ERCC4: variants seen among roughly 807,000 people sequenced by gnomAD.
The protein encoded by ERCC4 is ERCC excision repair 4, endonuclease catalytic subunit, also known as DNA repair endonuclease XPF.
ERCC4 carries 65 observed loss-of-function variants against 76.9 expected under a neutral mutation model. The ratio of observed to expected loss-of-function variants is 0.84; its 90% CI spans 0.69 to 1.04. The LOEUF (loss-of-function observed/expected upper bound fraction) is 1.04, where lower values mean the gene tolerates loss of function less well. Ranked by LOEUF, ERCC4 falls within the 50% of genes least tolerant of loss-of-function variation. The probability of loss-of-function intolerance (pLI) is 0.00; values close to 1 mark genes in which losing one functional copy is unlikely to be tolerated. For synonymous variants in ERCC4, 463 were observed against 410.1 expected (o/e 1.13, Z -1.56); for missense variants, 1,214 against 1,128.2 (o/e 1.08, Z -1.09).
chr16:13,926,188 C>T lies in ERCC4; in HGVS notation c.389-373C>T, dbSNP rs188067471. ...CTCTGACATGCCAGAAACACCCCAC[C>T]CCAGGGCCTGTGCCCTCACTGTCCC... On this transcript the variant is annotated intron_variant, in intron 2 of 10. Transcript: ENST00000311895. Among the ~76,000 whole-genome samples, 4 of 152,230 alleles carry T rather than the reference C, an allele frequency of 2.6e-5. No individual in the cohort carries two copies. The East Asian group carries it at 7.7e-4, about 29-fold the overall frequency.
chr16:13,943,987 G>A (rs541778471), intron 9 of ERCC4: 1 of 152,322 alleles, frequency 6.6e-6, no homozygotes, highest in Non-Finnish European at 1.5e-5. Context: ...TACCGTATAA[G>A]ATATGAGCCA....
In ERCC4 at chr16:13,935,473, A is replaced by G. The variant is rs201514032; in HGVS notation, c.1541A>G (p.Tyr514Cys). The G allele has an allele frequency of 1.9e-5, 31 of 1,614,198 alleles. No homozygotes were observed. The South Asian group carries it at 3.0e-4, about 15-fold the overall frequency. The change falls in exon 8 of 11, where the codon TAT (tyrosine) becomes TGT (cysteine). Residue 514 changes from tyrosine (Y) to cysteine (C), a missense_variant. Tyr to Cys is a radical substitution (Grantham distance 194). Coordinates refer to ENST00000311895, the MANE Select transcript of ERCC4 (RefSeq NM_005236.3). Reference protein sequence around the residue: ...LEEEGDVEEGYRREISSSPES... With the variant: ...LEEEGDVEEGCRREISSSPES... ...GAGGAAGGAGATGTCGAGGAAGGAT[A>G]TCGTCGAGAAATAAGCAGTAGCCCA...
At chr16:13,929,317 A>G (rs376404598) in intron 4 of ERCC4, among the ~76,000 whole-genome samples, 2 of 152,210 alleles carry the variant, frequency 1.3e-5, no homozygotes, top group East Asian at 3.8e-4. Flanking sequence ...AAAGGCATGT[A>G]GTTATATATC....
rs147455220 is a variant in ERCC4, at chr16:13,926,598, T to A, written c.426T>A (p.Ser142=). The part of the protein sequence containing the change: ...LVYRAHRIIE[S]CQEAFILRLF... ...ATAGAGCCCACAGAATAATCGAGTC[T>A]TGTCAAGAAGCATTCATCTTGCGCC... is the stretch of plus-strand genomic sequence containing the variant. The change falls in exon 3 of 11, where the codon TCT becomes TCA. Residue 142 remains serine (S), a synonymous_variant. Coordinates refer to ENST00000311895, the MANE Select transcript of ERCC4 (RefSeq NM_005236.3). 3 of 1,614,078 alleles carry A rather than the reference T, an allele frequency of 1.9e-6. No individual in the cohort carries two copies. The highest frequency in any genetic ancestry group is 1.3e-5 in the African/African-American group (1 of 74,942).
In ERCC4 at chr16:13,935,548, C is replaced by T; in HGVS notation, c.1616C>T (p.Ser539Leu). ...IKHEEFDVNLSSDAAFGILKE... is the reference protein window; with the variant it reads ...IKHEEFDVNLLSDAAFGILKE... ...CATGAAGAATTTGATGTAAATTTGT[C>T]ATCGGATGCTGCTTTCGGAATCCTG... Residue 539 changes from serine to leucine, a missense_variant, in exon 8 of 11, where the codon TCA (serine) becomes TTA (leucine). Physicochemically the swap from Ser to Leu is moderately radical, Grantham distance 145 (BLOSUM62 -2). Coordinates refer to ENST00000311895, the MANE Select transcript of ERCC4 (RefSeq NM_005236.3). The T allele has an allele frequency of 1.2e-6, 2 of 1,614,170 alleles. No individual in the cohort carries two copies. The highest frequency in any genetic ancestry group is 2.2e-5 in the South Asian group (2 of 91,084).
chr16:13,947,601 T>G lies in ERCC4; in HGVS notation c.2018-13T>G. ...GTTCTTCCCCAGTGACATTACTTAC[T>G]TTTTCTCTGTAGGTGGCCAGGAACA... On this transcript the variant is annotated splice_polypyrimidine_tract_variant and intron_variant, in intron 10 of 10. Transcript: ENST00000311895. 6.2e-7 allele frequency: 1 copy of G among 1,614,128 alleles called. No individual in the cohort carries two copies. Among genetic ancestry groups the G allele is most frequent in the Non-Finnish European group, 8.5e-7 (1 of 1,179,950 alleles).
rs370088726 is a variant in ERCC4, at chr16:13,927,160, TGAA to T, written c.584+409_584+411del. ...ACAGGGAAATAAAGCACAAAGGTTT[TGAA>T]GAAGTTTTATTAATTTCTAGGAATA... is the stretch of plus-strand genomic sequence containing the variant. On this transcript the variant is annotated intron_variant, in intron 3 of 10. Coordinates refer to ENST00000311895, the MANE Select transcript of ERCC4 (RefSeq NM_005236.3). 2.4e-4 allele frequency among the ~76,000 whole-genome samples: 37 copies of T among 152,348 alleles called. 1 individual carries two copies. In the East Asian group the frequency reaches 3.7e-3, roughly 15 times the overall value.
Position 13,951,136 on chromosome 16 carries a change from C to A in ERCC4, c.*2789C>A, listed in dbSNP as rs1323089941. On this transcript the variant is annotated 3_prime_UTR_variant, in exon 11 of 11. Coordinates refer to ENST00000311895, the MANE Select transcript of ERCC4 (RefSeq NM_005236.3). ...TTTGGAAAGTTTTCAATACATACAT[C>A]AAGTGTTTACTTAGATTTTTATAAA... 5.4e-6 allele frequency: 1 copy of A among 185,728 alleles called. No homozygotes were observed. Among genetic ancestry groups the A allele is most frequent in the African/African-American group, 2.3e-5 (1 of 42,648 alleles). 11.5% of individuals were successfully genotyped at this position (185,728 alleles called of 1,614,324 possible).
chr16:13,939,124 C>T (rs1385325936), intron 9 of ERCC4, among the ~76,000 whole-genome samples: 4 of 152,174 alleles, frequency 2.6e-5, no homozygotes, highest in Admixed American at 2.0e-4. Flanking sequence ...AAACCTAGTT[C>T]AGAAATCGTG....
intron 4 of ERCC4, 58 bp from the exon 5 acceptor site, chr16:13,930,652 A>G (rs1020963107): frequency 1.6e-6 from 2 of 1,226,284 alleles, no homozygotes; most frequent in African/African-American, 1.5e-5. Flanking sequence ...TATGATTTGT[A>G]TTAAGAATAA....
At position 13,948,485 on chromosome 16, in the gene ERCC4, C is replaced by T; in HGVS notation, c.*138C>T. 9.4e-7 allele frequency: 1 copy of T among 1,059,302 alleles called. No individual in the cohort carries two copies. The highest frequency in any genetic ancestry group is 1.4e-6 in the Non-Finnish European group (1 of 710,802). The allele number at this position is 1,059,302 out of a possible 1,614,324, so 65.6% of individuals were successfully genotyped here. A position where few individuals can be genotyped will look rare whatever the true frequency, so the allele number is the denominator to read the frequency against. On this transcript the variant is annotated 3_prime_UTR_variant, in exon 11 of 11. Coordinates refer to ENST00000311895, the MANE Select transcript of ERCC4 (RefSeq NM_005236.3). ...TAATGATTGTACGGTGGACCAGAAG[C>T]CAGGATTCCTCTCTGAACTCTGCAG...
Position 13,948,886 on chromosome 16 carries a change from G to T in ERCC4, c.*539G>T, listed in dbSNP as rs565318315. On this transcript the variant is annotated 3_prime_UTR_variant, in exon 11 of 11. Transcript: ENST00000311895. ...AACTGATGTTTGTGTAGGAAATCAT[G>T]TTCTGACCCTTTGTCTACAAAGGAG... The T allele has an allele frequency of 4.3e-6, 1 of 232,458 alleles. No homozygotes were observed. Among genetic ancestry groups the T allele is most frequent in the African/African-American group, 2.2e-5 (1 of 45,314 alleles). The allele number at this position is 232,458 out of a possible 1,614,324, so 14.4% of individuals were successfully genotyped here. A position where few individuals can be genotyped will look rare whatever the true frequency, so the allele number is the denominator to read the frequency against.
rs140299888 is a variant in ERCC4, at chr16:13,928,219, G to A, written c.776G>A (p.Gly259Glu). Residue 259 changes from glycine (G) to glutamate (E), a missense_variant, in exon 4 of 11, where the codon GGA becomes GAA. Transcript: ENST00000311895. ...VEDLSLENAI[G>E]KPFDKTIRHY... ...GATTTATCTTTAGAAAATGCTATTGGAAAACCTTTTGACAAGGTACTCTTT... is the reference window on the plus strand; with the variant it reads ...GATTTATCTTTAGAAAATGCTATTGAAAAACCTTTTGACAAGGTACTCTTT... 8.6e-5 allele frequency: 138 copies of A among 1,611,492 alleles called. No individual in the cohort carries two copies. Among genetic ancestry groups the A allele is most frequent in the Non-Finnish European group, 9.3e-5 (109 of 1,178,168 alleles).
At position 13,928,225 on chromosome 16, in the gene ERCC4, CT is replaced by C. The variant is rs751290625; in HGVS notation, c.786del (p.Phe262LeufsTer23). On this transcript the variant is annotated frameshift_variant, in exon 4 of 11. Transcript: ENST00000311895. LOFTEE classifies it high-confidence loss of function. ...DLSLENAIGK[P>X]FDKTIRHYLD... The stretch of plus-strand genomic sequence containing the variant: ...TCTTTAGAAAATGCTATTGGAAAAC[CT>C]TTTGACAAGGTACTCTTTTTCCTTT... 5.0e-6 allele frequency: 8 copies of C among 1,608,716 alleles called. No homozygotes were observed. The highest frequency in any genetic ancestry group is 6.8e-6 in the Non-Finnish European group (8 of 1,175,566).
chr16:13,948,237 C>A lies in ERCC4; in HGVS notation c.2641C>A (p.Gln881Lys), dbSNP rs754131812. ...KNIAELAALS[Q>K]DELTSILGNA... ...CATCGCAGAATTAGCAGCCCTGTCA[C>A]AAGACGAGCTCACGAGTATTCTGGG... The change falls in exon 11 of 11, where the codon CAA (glutamine) becomes AAA (lysine). Residue 881 changes from glutamine (Q) to lysine (K), a missense_variant. Gln to Lys is a moderately conservative substitution (Grantham distance 53). Coordinates refer to ENST00000311895, the MANE Select transcript of ERCC4 (RefSeq NM_005236.3). 1 of 1,614,180 alleles carries A rather than the reference C, an allele frequency of 6.2e-7. No homozygotes were observed.
chr16:13,925,479 A>T (rs2141943491), intron 2 of ERCC4, among the ~76,000 whole-genome samples: 1 of 152,236 alleles, frequency 6.6e-6, no homozygotes, highest in Non-Finnish European at 1.5e-5. Flanking sequence ...TAACATTATT[A>T]ATTTTTACTA....
intron 3 of ERCC4, chr16:13,927,687 T>G (rs2032097929): frequency 3.3e-6 from 1 of 305,800 alleles, no homozygotes; most frequent in Non-Finnish European, 6.2e-6. Context: ...GCAGGCCATA[T>G]AGACTGTCAC....
chr16:13,950,876 T>C lies in ERCC4; in HGVS notation c.*2529T>C, dbSNP rs2032617616. The C allele has an allele frequency of 5.1e-6, 1 of 196,650 alleles. No individual in the cohort carries two copies. The highest frequency in any genetic ancestry group is 1.9e-4 in the South Asian group (1 of 5,204). The allele number at this position is 196,650 out of a possible 1,614,324, so 12.2% of individuals were successfully genotyped here. ...ATTTTCAACCGTCCTTGTTATCTAG[T>C]ACAACATAAATAACAGTCTTAAAAA... On this transcript the variant is annotated 3_prime_UTR_variant, in exon 11 of 11. Coordinates refer to ENST00000311895, the MANE Select transcript of ERCC4 (RefSeq NM_005236.3).
rs1188307738 is a variant in ERCC4, at chr16:13,948,782, AAC to A, written c.*437_*438del. 4 of 233,948 alleles carry A rather than the reference AAC, an allele frequency of 1.7e-5. No homozygotes were observed. Among genetic ancestry groups the A allele is most frequent in the African/African-American group, 8.8e-5 (4 of 45,294 alleles). 14.5% of individuals were successfully genotyped at this position (233,948 alleles called of 1,614,324 possible). ...CCTTGTTATCTAGTGCAACATAAATAACAGTCTTAATTGCACTTATACCCATG... is the reference window on the plus strand; with the variant it reads ...CCTTGTTATCTAGTGCAACATAAATAAGTCTTAATTGCACTTATACCCATG... On this transcript the variant is annotated 3_prime_UTR_variant, in exon 11 of 11. Transcript: ENST00000311895.
Sources: allele counts gnomAD v4.1 joint callset (sites outside exome capture counted in the v4.1 genomes callset), GRCh38; gene constraint gnomAD v4.1.1; transcripts MANE v1.5; gene names NCBI Gene and HGNC (gene_info 2026-07-23, HGNC 2026-07-21).